NR2E1: variants seen among roughly 807,000 people sequenced by gnomAD.
NR2E1 encodes the protein nuclear receptor TLX.
NR2E1 carries 5 observed loss-of-function variants against 43.6 expected under a neutral mutation model. The observed-to-expected ratio is 0.11, with a 90% CI of 0.06 to 0.24. NR2E1 has a LOEUF of 0.24. Ranked by LOEUF, NR2E1 falls within the 10% of genes least tolerant of loss-of-function variation. The pLI, the probability that NR2E1 is intolerant of heterozygous loss-of-function variation, is 1.00. For synonymous variants in NR2E1, 191 were observed against 195.5 expected, an observed-to-expected ratio of 0.98 and a Z score of 0.19; for missense variants, 287 against 496.7, an observed-to-expected ratio of 0.58 and a Z score of 4.01.
Position 108,166,895 on chromosome 6 carries a change from TGA to T in NR2E1, c.25+109_25+110del, listed in dbSNP as rs1355281584. The T allele has an allele frequency of 1.1e-5, 13 of 1,199,450 alleles. No homozygotes were observed. The highest frequency in any genetic ancestry group is 1.5e-5 in the Non-Finnish European group (13 of 838,986). The allele number at this position is 1,199,450 out of a possible 1,614,324, so 74.3% of individuals were successfully genotyped here. ...CTGGAGCGCTGCGAATCTGAGCCCC[TGA>T]GAGGGATTCCAGCGGGCGTGTGCGT... is the stretch of plus-strand genomic sequence containing the variant. On this transcript the variant is annotated intron_variant, in intron 1 of 8. Transcript: ENST00000368986. This position sits in a 1 kb window ranked among gnomAD's most constrained non-coding sequence, Gnocchi z 7.2.
intron 8 of NR2E1, among the ~76,000 whole-genome samples, chr6:108,187,038 T>TC (rs925695244): frequency 5.3e-5 from 8 of 152,280 alleles, no homozygotes; most frequent in Non-Finnish European, 2.9e-5. Flanking sequence ...TCTTTTTTTT[T>TC]CCCAAACAAA....
At chr6:108,170,308 T>C (rs1266367198) in intron 1 of NR2E1, among the ~76,000 whole-genome samples, 2 of 152,220 alleles carry the variant, frequency 1.3e-5, no homozygotes, top group African/African-American at 4.8e-5. Context: ...TTATCAACTA[T>C]TGTTATTTTT....
chr6:108,174,153 G>A (rs1339659063), intron 2 of NR2E1, among the ~76,000 whole-genome samples: 6 of 152,094 alleles, frequency 3.9e-5, no homozygotes, highest in Non-Finnish European at 5.9e-5. Flanking sequence ...CACCTTCCAG[G>A]AAGGGCTGTG....
In NR2E1 at chr6:108,187,520, G is replaced by A; in HGVS notation, c.*57G>A. On this transcript the variant is annotated 3_prime_UTR_variant, in exon 9 of 9. Coordinates refer to ENST00000368986, the MANE Select transcript of NR2E1 (RefSeq NM_003269.5). ...CAGTATCAGATGAACTTCAACCCAT[G>A]GAGAACAAGCCTCAACTAACAAACC... 1 of 1,580,706 alleles carries A rather than the reference G, an allele frequency of 6.3e-7. No homozygotes were observed. Among genetic ancestry groups the A allele is most frequent in the African/African-American group, 1.3e-5 (1 of 74,366 alleles).
intron 5 of NR2E1, 59 bp downstream of exon 5, chr6:108,178,300 G>A (rs1261181666): frequency 3.0e-5 from 48 of 1,597,466 alleles, no homozygotes; most frequent in Non-Finnish European, 3.8e-5. Flanking sequence ...GTAGCACTCA[G>A]CCTTATAAAA....
At chr6:108,175,535 C>T (rs1387405900) in intron 3 of NR2E1, among the ~76,000 whole-genome samples, 2 of 152,232 alleles carry the variant, frequency 1.3e-5, no homozygotes, top group African/African-American at 4.8e-5. Flanking sequence ...CTCGGACACC[C>T]AGCTCTCCCA....
At chr6:108,173,533 T>C (rs969907395) in intron 2 of NR2E1, among the ~76,000 whole-genome samples, 14 of 152,192 alleles carry the variant, frequency 9.2e-5, no homozygotes, top group African/African-American at 3.4e-4. Context: ...TAAATCATCA[T>C]AATTTAAATT....
intron 8 of NR2E1, among the ~76,000 whole-genome samples, chr6:108,184,736 C>A (rs536546207): frequency 5.3e-4 from 81 of 152,166 alleles, no homozygotes; most frequent in African/African-American, 1.8e-3. Flanking sequence ...GAGAATTCAA[C>A]CATGGGTTAA....
chr6:108,187,468 A>T lies in NR2E1; in HGVS notation c.*5A>T. The stretch of plus-strand genomic sequence containing the variant: ...TACAAATCCAGTGATATCTAAGCTC[A>T]CAAGATACCCACTTTTCAGGATGGG... On this transcript the variant is annotated 3_prime_UTR_variant, in exon 9 of 9. Transcript: ENST00000368986. The T allele has an allele frequency of 6.2e-7, 1 of 1,613,726 alleles. No individual in the cohort carries two copies. The highest frequency in any genetic ancestry group is 8.5e-7 in the Non-Finnish European group (1 of 1,179,634).
At chr6:108,177,848 G>A (rs1773924545) in intron 4 of NR2E1, among the ~76,000 whole-genome samples, 1 of 152,182 alleles carries the variant, frequency 6.6e-6, no homozygotes, top group Non-Finnish European at 1.5e-5. Flanking sequence ...AAAAGCCAGA[G>A]GGCCTTCTGG....
chr6:108,172,203 T>A (rs920481969), intron 2 of NR2E1, among the ~76,000 whole-genome samples: 9 of 152,182 alleles, frequency 5.9e-5, no homozygotes, highest in Non-Finnish European at 1.2e-4. Context: ...GCTCTGGAAG[T>A]GGGCAGTGGG....
intron 1 of NR2E1, among the ~76,000 whole-genome samples, chr6:108,171,190 C>T (rs1582442062): frequency 6.6e-6 from 1 of 152,306 alleles, no homozygotes; most frequent in Admixed American, 6.5e-5. Context: ...TCTTTTATTC[C>T]AAAATGGGTC....
intron 3 of NR2E1, among the ~76,000 whole-genome samples, chr6:108,175,367 C>T (rs897434050): frequency 2.4e-4 from 37 of 152,338 alleles, no homozygotes; most frequent in African/African-American, 8.2e-4. Flanking sequence ...AAAGGGAGGG[C>T]AGAGACGCGA....
chr6:108,169,689 C>T lies in NR2E1; in HGVS notation c.26-1769C>T, dbSNP rs991082024. Reference sequence around the variant, plus strand: ...GAACTCCCTTGGGCGCAGTGACAGGCCCGAAGGAGTGGAGGACAAGACCCG... The same window carrying T: ...GAACTCCCTTGGGCGCAGTGACAGGTCCGAAGGAGTGGAGGACAAGACCCG... On this transcript the variant is annotated intron_variant, in intron 1 of 8. Coordinates refer to ENST00000368986, the MANE Select transcript of NR2E1 (RefSeq NM_003269.5). The surrounding 1 kb of genome is among the most constrained non-coding windows in gnomAD (Gnocchi z 6.1). Among the ~76,000 whole-genome samples the T allele has an allele frequency of 6.6e-6, 1 of 152,088 alleles. No individual in the cohort carries two copies. The highest frequency in any genetic ancestry group is 2.4e-5 in the African/African-American group (1 of 41,416).
Position 108,187,894 on chromosome 6 carries a change from T to A in NR2E1, c.*431T>A, listed in dbSNP as rs1774100781. On this transcript the variant is annotated 3_prime_UTR_variant, in exon 9 of 9. Transcript: ENST00000368986. ...TCGTACTGCGGCCTTCAAAACTACG[T>A]TATGTTGGAGCATTTATTTTAAAAA... 5.1e-6 allele frequency: 1 copy of A among 196,526 alleles called. No homozygotes were observed. Among genetic ancestry groups the A allele is most frequent in the African/African-American group, 2.3e-5 (1 of 43,530 alleles). The allele number at this position is 196,526 out of a possible 1,614,324, so 12.2% of individuals were successfully genotyped here.
intron 8 of NR2E1, among the ~76,000 whole-genome samples, chr6:108,186,420 T>C (rs1774076286): frequency 6.6e-6 from 1 of 152,222 alleles, no homozygotes; most frequent in Non-Finnish European, 1.5e-5. Flanking sequence ...CCTGACTCCT[T>C]CGAAGGAATT....
chr6:108,184,181 A>T (rs1287383672), intron 8 of NR2E1, among the ~76,000 whole-genome samples: 1 of 152,212 alleles, frequency 6.6e-6, no homozygotes, highest in Admixed American at 6.5e-5. Flanking sequence ...TAACAGAGTG[A>T]GTGAGACTCC....
chr6:108,175,540 C>G (rs2114675388), intron 3 of NR2E1, among the ~76,000 whole-genome samples: 1 of 152,346 alleles, frequency 6.6e-6, no homozygotes, highest in South Asian at 2.1e-4. Flanking sequence ...ACACCCAGCT[C>G]TCCCAAGGCT....
rs1399497981 is a variant in NR2E1, at chr6:108,180,634, A to G, written c.740-173A>G. On this transcript the variant is annotated intron_variant, in intron 6 of 8. Transcript: ENST00000368986. This position sits in a 1 kb window ranked among gnomAD's most constrained non-coding sequence, Gnocchi z 5.4. ...AATGCAAATTACTGTGTTTGTTATC[A>G]TCCAAGAGAAGATTTTATATTAACT... Among the ~76,000 whole-genome samples the G allele has an allele frequency of 6.6e-6, 1 of 152,232 alleles. No individual in the cohort carries two copies. Among genetic ancestry groups the G allele is most frequent in the East Asian group, 1.9e-4 (1 of 5,202 alleles).
Sources: gnomAD v4.1 joint callset for allele counts (sites outside exome capture counted in the v4.1 genomes callset) on GRCh38, gnomAD v4.1.1 for gene constraint, Gnocchi (gnomAD v3.1) non-coding constraint, MANE v1.5 for transcripts, NCBI Gene and HGNC (gene_info 2026-07-23, HGNC 2026-07-21) for gene names.